Variants in RASSF6 observed in about 807,000 individuals in gnomAD.
RASSF6 encodes Ras association domain family member 6, also known as ras association domain-containing protein 6.
Under a neutral mutation model 44.0 loss-of-function variants are expected in RASSF6, and 52 were observed. That is an observed-to-expected ratio of 1.18 (90% CI 0.95 to 1.49). The LOEUF is 1.49. Ranked by LOEUF, RASSF6 falls within the 40% of genes most tolerant of loss-of-function variation. RASSF6 has a pLI of 0.00. For synonymous variants in RASSF6, 162 were observed against 124.6 expected (o/e 1.30, Z -2.00); for missense variants, 464 against 393.3 (o/e 1.18, Z -1.52).
At chr4:73,594,732 A>T (rs1362667514) in intron 3 of RASSF6, among the ~76,000 whole-genome samples, 2 of 152,216 alleles carry the variant, frequency 1.3e-5, no homozygotes, top group Admixed American at 6.5e-5. Flanking sequence ...TGTTTTCAAC[A>T]ATCAAACACA....
In RASSF6 at chr4:73,618,301, T is replaced by TTATCTATCTATC. The variant is rs60389955; in HGVS notation, c.-35+1975_-35+1986dup. Among the ~76,000 whole-genome samples the TTATCTATCTATC allele has an allele frequency of 7.2e-3, 1,089 of 150,324 alleles. 8 individuals carry two copies. Among genetic ancestry groups the TTATCTATCTATC allele is most frequent in the South Asian group, 0.021 (101 of 4,702 alleles). ...ATTCTAATGTATAGATATAAAGTTG[T>TTATCTATCTATC]TATCTATCTATCTATCTATCTAAAC... On this transcript the variant is annotated intron_variant, in intron 1 of 10. Transcript: ENST00000307439.
chr4:73,617,761 T>A (rs1405306769), intron 1 of RASSF6, among the ~76,000 whole-genome samples: 1 of 152,228 alleles, frequency 6.6e-6, no homozygotes, highest in African/African-American at 2.4e-5. Context: ...CTATAATTTA[T>A]CATTTTAAAC....
At chr4:73,588,950 C>T (rs928015374) in intron 4 of RASSF6, among the ~76,000 whole-genome samples, 1 of 151,984 alleles carries the variant, frequency 6.6e-6, no homozygotes, top group Non-Finnish European at 1.5e-5. Context: ...TTTCTTATGA[C>T]TAAAATATAT....
At chr4:73,615,395 T>G (rs1330595599) in intron 1 of RASSF6, among the ~76,000 whole-genome samples, 2 of 151,982 alleles carry the variant, frequency 1.3e-5, no homozygotes, top group Non-Finnish European at 2.9e-5. Flanking sequence ...CTCAAGGACT[T>G]AAGAGGAGAA....
intron 1 of RASSF6, among the ~76,000 whole-genome samples, chr4:73,616,128 A>G (rs775763526): frequency 1.3e-5 from 2 of 152,184 alleles, no homozygotes; most frequent in Non-Finnish European, 2.9e-5. Flanking sequence ...GCCTGTATCT[A>G]TATCTATAGC....
At chr4:73,582,505 C>T (rs1457707870) in intron 6 of RASSF6, among the ~76,000 whole-genome samples, 1 of 151,830 alleles carries the variant, frequency 6.6e-6, no homozygotes, top group Non-Finnish European at 1.5e-5. Context: ...GGTAAAACAC[C>T]ATTTGAGGAT....
At chr4:73,611,191 G>C (rs1396611707) in intron 2 of RASSF6, among the ~76,000 whole-genome samples, 4 of 152,052 alleles carry the variant, frequency 2.6e-5, no homozygotes, top group Admixed American at 6.6e-5. Flanking sequence ...CTGTAGCTTG[G>C]CCAGTTTCAG....
At chr4:73,601,991 G>A (rs1017081025) in intron 2 of RASSF6, among the ~76,000 whole-genome samples, 9 of 152,188 alleles carry the variant, frequency 5.9e-5, no homozygotes, top group East Asian at 3.8e-4. Context: ...TGTTGCCTAC[G>A]GTGAACCTTG....
In RASSF6 at chr4:73,578,729, T is replaced by C. The variant is rs561534342; in HGVS notation, c.722-1998A>G. Among the ~76,000 whole-genome samples, 610 of 151,846 alleles carry C rather than the reference T, an allele frequency of 4.0e-3. 4 individuals carry two copies. The highest frequency in any genetic ancestry group is 0.014 in the African/African-American group (587 of 41,436). On this transcript the variant is annotated intron_variant, in intron 8 of 10. Coordinates refer to ENST00000307439, the MANE Select transcript of RASSF6 (RefSeq NM_177532.5). ...GTTCAAGCGATTCTCCTGTCTCAGC[T>C]TCCTGAGTAGCTGGGATTACAGGTG...
In RASSF6 at chr4:73,593,583, C is replaced by A. The variant is rs1050457157; in HGVS notation, c.155G>T (p.Gly52Val). Residue 52 changes from glycine to valine, a missense_variant, in exon 4 of 11, where the codon GGC becomes GTC. Physicochemically the swap from Gly to Val is moderately radical, Grantham distance 109. Transcript: ENST00000307439. ...LHILYGETED[G>V]KLIVEGMLDI... ...CAGCATTCCTTCAACAATTAGTTTG[C>A]CATCTTCAGTCTAAGGAAGAAATGA... 1.2e-6 allele frequency: 2 copies of A among 1,613,160 alleles called. No homozygotes were observed. Among genetic ancestry groups the A allele is most frequent in the Admixed American group, 1.7e-5 (1 of 59,884 alleles).
At position 73,576,304 on chromosome 4, in the gene RASSF6, A is replaced by T; in HGVS notation, c.945T>A (p.Asn315Lys). ...REIQRIVTKF[N>K]KEKAIILKCL... is the part of the protein sequence containing the mutation. ...ATTTCAGTATAATCGCCTTTTCTTT[A>T]TTGAATCTGAAAATGAGAAGAAGAA... Residue 315 changes from asparagine (N) to lysine (K), a missense_variant, in exon 11 of 11, where the codon AAT (asparagine) becomes AAA (lysine). Transcript: ENST00000307439. 6.5e-7 allele frequency: 1 copy of T among 1,543,050 alleles called. No individual in the cohort carries two copies. The highest frequency in any genetic ancestry group is 1.7e-5 in the Admixed American group (1 of 57,358).
intron 4 of RASSF6, among the ~76,000 whole-genome samples, chr4:73,588,648 T>C (rs1478389346): frequency 2.6e-5 from 4 of 152,034 alleles, no homozygotes; most frequent in African/African-American, 9.7e-5. Context: ...ATAAAAATGA[T>C]AATAGCATGA....
chr4:73,611,420 A>G (rs980701226), intron 2 of RASSF6, among the ~76,000 whole-genome samples: 26 of 152,178 alleles, frequency 1.7e-4, no homozygotes, highest in Admixed American at 5.9e-4. Flanking sequence ...TTAATTCTTT[A>G]GAACTATCAT....
At chr4:73,592,675 A>G (rs988444775) in intron 4 of RASSF6, among the ~76,000 whole-genome samples, 2 of 152,194 alleles carry the variant, frequency 1.3e-5, no homozygotes, top group African/African-American at 4.8e-5. Context: ...TGCTCTGTTG[A>G]ACAGGATTGG....
At chr4:73,592,521 T>G (rs891735672) in intron 4 of RASSF6, among the ~76,000 whole-genome samples, 12 of 152,212 alleles carry the variant, frequency 7.9e-5, no homozygotes, top group African/African-American at 2.4e-4. Flanking sequence ...GTATGTTTCT[T>G]GCTGAGAATA....
intron 8 of RASSF6, 109 bp from the exon 9 acceptor site, chr4:73,576,840 A>G (rs927644244): frequency 2.9e-6 from 2 of 687,382 alleles, no homozygotes; most frequent in Admixed American, 5.2e-5. Flanking sequence ...GAAAAAAATA[A>G]CACCTGCAAC....
intron 6 of RASSF6, among the ~76,000 whole-genome samples, chr4:73,584,699 A>G (rs1723937239): frequency 6.6e-6 from 1 of 152,014 alleles, no homozygotes; most frequent in African/African-American, 2.4e-5. Context: ...TTCCAGTATT[A>G]TTGTTGGTAT....
At chr4:73,577,659 C>T (rs1214655440) in intron 8 of RASSF6, among the ~76,000 whole-genome samples, 4 of 152,138 alleles carry the variant, frequency 2.6e-5, no homozygotes, top group African/African-American at 9.6e-5. Context: ...AATTCCTCTG[C>T]CATTTCTGAA....
intron 2 of RASSF6, among the ~76,000 whole-genome samples, chr4:73,601,437 T>A (rs1284517925): frequency 6.6e-6 from 1 of 152,240 alleles, no homozygotes; most frequent in Non-Finnish European, 1.5e-5. Flanking sequence ...CAATCTGTAA[T>A]CCACTGTGTA....
Sources: gnomAD v4.1 joint callset for allele counts (sites outside exome capture counted in the v4.1 genomes callset) on GRCh38, gnomAD v4.1.1 for gene constraint, MANE v1.5 for transcripts, NCBI Gene and HGNC (gene_info 2026-07-23, HGNC 2026-07-21) for gene names.